The following CALB2 variants were observed in gnomAD, a reference collection of about 807,000 sequenced individuals.
CALB2 encodes the protein calbindin 2.
A neutral mutation model predicts 45.9 loss-of-function variants in CALB2; 34 were observed. The ratio of observed to expected loss-of-function variants is 0.74; its 90% CI spans 0.56 to 0.99. CALB2 has a LOEUF of 0.99. Among genes scored for constraint, CALB2 ranks in the 50% least tolerant of loss-of-function variants. The pLI is 0.00. For missense variants in CALB2, 344 were observed against 339.3 expected (o/e 1.01, Z -0.11); for synonymous variants, 142 against 129.6 (o/e 1.10, Z -0.65).
At chr16:71,386,809 TC>T (rs1226518716) in intron 10 of CALB2, among the ~76,000 whole-genome samples, 1 of 152,238 alleles carries the variant, frequency 6.6e-6, no homozygotes, top group Non-Finnish European at 1.5e-5. Flanking sequence ...TCTATTCATC[TC>T]CCTTTCCAAG....
chr16:71,360,905 G>A (rs1407999152), intron 1 of CALB2, among the ~76,000 whole-genome samples: 1 of 152,160 alleles, frequency 6.6e-6, no homozygotes, highest in African/African-American at 2.4e-5. Flanking sequence ...CTGAACACCT[G>A]CTTGGTTTGG....
At chr16:71,362,742 A>AC (rs1320017430) in intron 1 of CALB2, among the ~76,000 whole-genome samples, 1 of 147,978 alleles carries the variant, frequency 6.8e-6, no homozygotes, top group Non-Finnish European at 1.5e-5. Context: ...TTAGAAAAAT[A>AC]CAACTGAATA....
intron 4 of CALB2, among the ~76,000 whole-genome samples, chr16:71,380,258 C>CT (rs1376747339): frequency 6.8e-5 from 5 of 74,004 alleles, no homozygotes; most frequent in Non-Finnish European, 1.2e-4. Context: ...GACAGGATTT[C>CT]TTTCTTTTCT....
intron 1 of CALB2, among the ~76,000 whole-genome samples, chr16:71,360,299 G>GA (rs1222287439): frequency 6.6e-6 from 1 of 152,188 alleles, no homozygotes. Context: ...AGCCAACTGA[G>GA]AAAGCTAGAG....
chr16:71,375,337 C>T (rs1412300884), intron 3 of CALB2, among the ~76,000 whole-genome samples: 1 of 152,134 alleles, frequency 6.6e-6, no homozygotes, highest in Non-Finnish European at 1.5e-5. Context: ...TATACACATA[C>T]ACACATACAC....
chr16:71,381,191 A>C (rs2042487210), intron 4 of CALB2, among the ~76,000 whole-genome samples: 1 of 152,208 alleles, frequency 6.6e-6, no homozygotes, highest in Non-Finnish European at 1.5e-5. Flanking sequence ...GTAATGCACT[A>C]AGTGCCTGCG....
intron 1 of CALB2, among the ~76,000 whole-genome samples, chr16:71,362,543 T>A (rs1300739663): frequency 6.6e-6 from 1 of 152,214 alleles, no homozygotes; most frequent in Non-Finnish European, 1.5e-5. Flanking sequence ...GGGGAGAATG[T>A]GCTTCACTGG....
At chr16:71,371,245 G>A (rs2042346728) in intron 1 of CALB2, among the ~76,000 whole-genome samples, 1 of 152,094 alleles carries the variant, frequency 6.6e-6, no homozygotes, top group South Asian at 2.1e-4. Flanking sequence ...TTACCAGGTG[G>A]GATGCCTCTC....
chr16:71,371,080 A>C (rs1274837255), intron 1 of CALB2, among the ~76,000 whole-genome samples: 1 of 152,246 alleles, frequency 6.6e-6, no homozygotes, highest in East Asian at 1.9e-4. Context: ...TAATGACTAG[A>C]GGATGGGCTT....
At chr16:71,371,917 G>A (rs528111012) in intron 1 of CALB2, among the ~76,000 whole-genome samples, 13 of 152,220 alleles carry the variant, frequency 8.5e-5, no homozygotes, top group Admixed American at 1.3e-4. Context: ...CTGTCCTCTC[G>A]GACCCTGTGC....
chr16:71,375,513 G>C (rs562036087), intron 3 of CALB2, among the ~76,000 whole-genome samples: 16 of 152,164 alleles, frequency 1.1e-4, no homozygotes, highest in Admixed American at 7.2e-4. Flanking sequence ...AGACCAGCCT[G>C]GGCAATATAA....
At chr16:71,375,680 C>G (rs2042402544) in intron 3 of CALB2, among the ~76,000 whole-genome samples, 2 of 152,196 alleles carry the variant, frequency 1.3e-5, no homozygotes, top group Admixed American at 6.5e-5. Flanking sequence ...CTTACTGAGG[C>G]AGAACTCTCC....
chr16:71,382,234 AGCGGAACATGGTTC>A (rs1460108205), intron 4 of CALB2, among the ~76,000 whole-genome samples: 1 of 152,164 alleles, frequency 6.6e-6, no homozygotes, highest in African/African-American at 2.4e-5. Flanking sequence ...CCAAAGATAT[AGCGGAACATGGTTC>A]TCCGGGCATC....
intron 4 of CALB2, among the ~76,000 whole-genome samples, chr16:71,379,644 G>A (rs1377237997): frequency 2.0e-5 from 3 of 152,036 alleles, no homozygotes; most frequent in Non-Finnish European, 4.4e-5. Flanking sequence ...ATAATAACTG[G>A]CCTTCGACGT....
chr16:71,389,583 C>A, intron 10 of CALB2, 166 bp from the exon 11 acceptor site: 1 of 754,892 alleles, frequency 1.3e-6, no homozygotes, highest in Non-Finnish European at 2.4e-6. Context: ...GCTTTAACCT[C>A]CATCTGTCTG....
intron 10 of CALB2, among the ~76,000 whole-genome samples, chr16:71,388,334 C>CAAAAAAAAAAAAAAAAA (rs71153632): frequency 1.9e-5 from 2 of 103,426 alleles, no homozygotes; most frequent in African/African-American, 4.5e-5. Context: ...GACCTTATCT[C>CAAAAAAAAAAAAAAAAA]AAAAAAAAAA....
At position 71,390,006 on chromosome 16, in the gene CALB2, G is replaced by C; in HGVS notation, c.*141G>C. 3 of 628,602 alleles carry C rather than the reference G, an allele frequency of 4.8e-6. No individual in the cohort carries two copies. The highest frequency in any genetic ancestry group is 3.7e-5 in the African/African-American group (2 of 54,314). The allele number at this position is 628,602 out of a possible 1,614,324, so 38.9% of individuals were successfully genotyped here. A position where few individuals can be genotyped will look rare whatever the true frequency, so the allele number is the denominator to read the frequency against. On this transcript the variant is annotated 3_prime_UTR_variant, in exon 11 of 11. Coordinates refer to ENST00000302628, the MANE Select transcript of CALB2 (RefSeq NM_001740.5). ...CACCTGCCTGCAGAGCAGGAAATGA[G>C]AGATAGAGGATGGGCAGCTGGGGGG...
chr16:71,365,830 G>A (rs911659891), intron 1 of CALB2, among the ~76,000 whole-genome samples: 4 of 151,604 alleles, frequency 2.6e-5, no homozygotes, highest in Non-Finnish European at 5.9e-5. Flanking sequence ...AGCCTTTACT[G>A]TTCTGAGCTT....
chr16:71,382,859 G>A (rs1292177708), intron 5 of CALB2, 84 bp downstream of exon 5: 23 of 1,265,530 alleles, frequency 1.8e-5, no homozygotes, highest in East Asian at 4.7e-5. Flanking sequence ...TTGGATGAGG[G>A]GCATGAGTTT....
Sources: allele counts gnomAD v4.1 joint callset (sites outside exome capture counted in the v4.1 genomes callset), GRCh38; gene constraint gnomAD v4.1.1; transcripts MANE v1.5; gene names NCBI Gene and HGNC (gene_info 2026-07-23, HGNC 2026-07-21).